The following ABHD12B variants were observed in gnomAD, a reference collection of about 807,000 sequenced individuals.
ABHD12B encodes protein ABHD12B.
ABHD12B carries 42 observed loss-of-function variants against 50.4 expected under a neutral mutation model. That is an observed-to-expected ratio of 0.83 (90% CI 0.65 to 1.08). The LOEUF (loss-of-function observed/expected upper bound fraction) is 1.08, where lower values mean the gene tolerates loss of function less well. Ranked by LOEUF, ABHD12B falls within the 50% of genes least tolerant of loss-of-function variation. The pLI, the probability that ABHD12B is intolerant of heterozygous loss-of-function variation, is 0.00. For synonymous variants in ABHD12B, 167 were observed against 160.3 expected, an observed-to-expected ratio of 1.04 and a Z score of -0.32; for missense variants, 479 against 447.7, an observed-to-expected ratio of 1.07 and a Z score of -0.63.
At chr14:50,898,134 AAT>A (rs1450403725) in intron 9 of ABHD12B, among the ~76,000 whole-genome samples, 1 of 152,234 alleles carries the variant, frequency 6.6e-6, no homozygotes, top group Non-Finnish European at 1.5e-5. Flanking sequence ...CCTGAGAGTT[AAT>A]AGAGGACTTC....
intron 4 of ABHD12B, 64 bp from the exon 5 acceptor site, chr14:50,881,532 T>C (rs944149189): frequency 1.3e-6 from 2 of 1,566,156 alleles, no homozygotes; most frequent in Non-Finnish European, 1.7e-6. Context: ...GTGATTTTTA[T>C]TGAATTTGTT....
intron 9 of ABHD12B, among the ~76,000 whole-genome samples, chr14:50,900,536 G>A (rs577575913): frequency 6.6e-6 from 1 of 152,280 alleles, no homozygotes; most frequent in East Asian, 1.9e-4. Flanking sequence ...TTCTGTGAAA[G>A]CACCAAAATA....
intron 1 of ABHD12B, among the ~76,000 whole-genome samples, chr14:50,876,367 G>A (rs2049863785): frequency 6.6e-6 from 1 of 152,044 alleles, no homozygotes; most frequent in African/African-American, 2.4e-5. Context: ...ACATATAAGT[G>A]CTCTGATTTT....
chr14:50,896,588 C>T (rs1222502190), intron 9 of ABHD12B, among the ~76,000 whole-genome samples: 2 of 138,138 alleles, frequency 1.4e-5, no homozygotes, highest in Non-Finnish European at 3.2e-5. Flanking sequence ...TTTCCTTCTC[C>T]TGGCTCAGAA....
In ABHD12B at chr14:50,878,782, G is replaced by A. The variant is rs777012211; in HGVS notation, c.270G>A (p.Glu90=). ...APFLVDLKKP[E]LKIPHTVNFY... ...TTCTTGTGGATTTAAAGAAACCAGA[G>A]TTAAAGATTCCTCACACAGTGAACT... is the stretch of plus-strand genomic sequence containing the variant. Residue 90 remains glutamate, a synonymous_variant, in exon 3 of 13, where the codon GAG becomes GAA. Transcript: ENST00000337334. 6.2e-7 allele frequency: 1 copy of A among 1,614,018 alleles called. No homozygotes were observed. Among genetic ancestry groups the A allele is most frequent in the East Asian group, 2.2e-5 (1 of 44,892 alleles).
At chr14:50,882,362 C>G (rs1200055485) in intron 5 of ABHD12B, among the ~76,000 whole-genome samples, 1 of 135,170 alleles carries the variant, frequency 7.4e-6, no homozygotes, top group Non-Finnish European at 1.5e-5. Context: ...GCTAAAGACA[C>G]AGAATGTCTG....
intron 1 of ABHD12B, among the ~76,000 whole-genome samples, chr14:50,875,222 A>G (rs1224108588): frequency 2.0e-5 from 3 of 152,238 alleles, no homozygotes; most frequent in Non-Finnish European, 4.4e-5. Flanking sequence ...TGATCTCTCC[A>G]GGAGACTTTG....
At chr14:50,894,185 T>G (rs988767346) in intron 9 of ABHD12B, among the ~76,000 whole-genome samples, 1 of 139,280 alleles carries the variant, frequency 7.2e-6, no homozygotes, top group Non-Finnish European at 1.5e-5. Flanking sequence ...CCTTCATCCT[T>G]AGTGGCAAGT....
Position 50,878,797 on chromosome 14 carries a change from C to A in ABHD12B, c.285C>A (p.His95Gln). 6.2e-7 allele frequency: 1 copy of A among 1,614,016 alleles called. No homozygotes were observed. Reference protein sequence around the residue: ...DLKKPELKIPHTVNFYLRVEP... With the variant: ...DLKKPELKIPQTVNFYLRVEP... Reference sequence around the variant, plus strand: ...AGAAACCAGAGTTAAAGATTCCTCACACAGTGAACTTCTACCTGAGAGTTG... The same window carrying A: ...AGAAACCAGAGTTAAAGATTCCTCAAACAGTGAACTTCTACCTGAGAGTTG... Residue 95 changes from histidine to glutamine, a missense_variant, in exon 3 of 13, where the codon CAC becomes CAA. Physicochemically the swap from His to Gln is conservative, Grantham distance 24. Coordinates refer to ENST00000337334, the MANE Select transcript of ABHD12B (RefSeq NM_001206673.2).
At chr14:50,896,443 A>G (rs905948035) in intron 9 of ABHD12B, among the ~76,000 whole-genome samples, 5 of 152,304 alleles carry the variant, frequency 3.3e-5, no homozygotes, top group South Asian at 2.1e-4. Context: ...TGACTTGCAC[A>G]TATACGCCCA....
At chr14:50,883,549 C>T (rs2049989089) in intron 5 of ABHD12B, among the ~76,000 whole-genome samples, 1 of 152,386 alleles carries the variant, frequency 6.6e-6, no homozygotes, top group East Asian at 1.9e-4. Flanking sequence ...CCACGTGGAA[C>T]GTGGTAAAGC....
Position 50,887,827 on chromosome 14 carries a change from T to A in ABHD12B, c.701-997T>A, listed in dbSNP as rs975542485. On this transcript the variant is annotated intron_variant, in intron 8 of 12. Coordinates refer to ENST00000337334, the MANE Select transcript of ABHD12B (RefSeq NM_001206673.2). ...TTCTTTGAGATCACAACCAAAAGCCTGAGAAATGTACTAGGGTCCTCTTTT... is the reference window on the plus strand; with the variant it reads ...TTCTTTGAGATCACAACCAAAAGCCAGAGAAATGTACTAGGGTCCTCTTTT... Among the ~76,000 whole-genome samples, 31 of 152,216 alleles carry A rather than the reference T, an allele frequency of 2.0e-4. 1 individual carries two copies. The highest frequency in any genetic ancestry group is 2.0e-3 in the Admixed American group (31 of 15,284).
intron 9 of ABHD12B, among the ~76,000 whole-genome samples, chr14:50,896,143 C>T (rs2050196061): frequency 6.6e-6 from 1 of 152,152 alleles, no homozygotes; most frequent in Non-Finnish European, 1.5e-5. Context: ...CCTAATCACC[C>T]TTACCCCACT....
chr14:50,883,022 G>GC (rs1308254308), intron 5 of ABHD12B, among the ~76,000 whole-genome samples: 1 of 151,320 alleles, frequency 6.6e-6, no homozygotes, highest in Admixed American at 6.6e-5. Flanking sequence ...CCCATGTAAG[G>GC]CTTTGTAGAG....
intron 9 of ABHD12B, among the ~76,000 whole-genome samples, chr14:50,894,978 C>T (rs2142760990): frequency 6.7e-6 from 1 of 149,564 alleles, no homozygotes; most frequent in African/African-American, 2.6e-5. Flanking sequence ...ACTAGCCCTC[C>T]CCCACCTGCC....
chr14:50,901,894 C>A lies in ABHD12B; in HGVS notation c.846C>A (p.Ile282=), dbSNP rs139689253. 6.9e-6 allele frequency: 11 copies of A among 1,593,148 alleles called. No homozygotes were observed. The highest frequency in any genetic ancestry group is 2.6e-6 in the Non-Finnish European group (3 of 1,170,946). ...ATGCCCTGAGAAAAGACAAAATAAT[C>A]TTTCCTAATGATGAAAAGTAAGTTA... is the stretch of plus-strand genomic sequence containing the variant. ...LMDALRKDKI[I]FPNDENVKFL... Residue 282 remains isoleucine (I), a synonymous_variant, in exon 10 of 13, where the codon ATC becomes ATA. Transcript: ENST00000337334.
At chr14:50,894,981 C>G (rs535935904) in intron 9 of ABHD12B, among the ~76,000 whole-genome samples, 1 of 148,788 alleles carries the variant, frequency 6.7e-6, no homozygotes, top group Non-Finnish European at 1.5e-5. Context: ...AGCCCTCCCC[C>G]ACCTGCCCAG....
intron 9 of ABHD12B, chr14:50,892,714 CT>C: frequency 2.0e-6 from 1 of 511,708 alleles, no homozygotes; most frequent in Non-Finnish European, 2.5e-6. Context: ...TTAAAAATTT[CT>C]TTAGATAGTA....
intron 4 of ABHD12B, among the ~76,000 whole-genome samples, chr14:50,881,066 T>C (rs1332570743): frequency 1.3e-5 from 2 of 152,192 alleles, no homozygotes; most frequent in African/African-American, 4.8e-5. Context: ...GTCTGACTAA[T>C]TCTAGAATAT....
Sources: allele counts gnomAD v4.1 joint callset (sites outside exome capture counted in the v4.1 genomes callset), GRCh38; gene constraint gnomAD v4.1.1; transcripts MANE v1.5; gene names NCBI Gene and HGNC (gene_info 2026-07-23, HGNC 2026-07-21).